The following RUNX3 variants were observed in gnomAD, a reference collection of about 807,000 sequenced individuals.
The protein encoded by RUNX3 is RUNX family transcription factor 3, also known as runt-related transcription factor 3.
A neutral mutation model predicts 27.7 loss-of-function variants in RUNX3; 10 were observed. That is an observed-to-expected ratio of 0.36 (90% CI 0.22 to 0.61). RUNX3 has a LOEUF of 0.61. Among genes scored for constraint, RUNX3 ranks in the 20% least tolerant of loss-of-function variants. RUNX3 has a pLI of 0.72. For missense variants in RUNX3, 469 were observed against 629.5 expected, an observed-to-expected ratio of 0.75 and a Z score of 2.73; for synonymous variants, 270 against 269.2, an observed-to-expected ratio of 1.00 and a Z score of -0.03.
intron 2 of RUNX3, among the ~76,000 whole-genome samples, chr1:24,955,171 G>A (rs1641884763): frequency 6.6e-6 from 1 of 152,112 alleles, no homozygotes; most frequent in South Asian, 2.1e-4. Flanking sequence ...ACCCTTTCTA[G>A]AAAGACTTCA....
At chr1:24,940,803 C>A (rs1641458315) in intron 2 of RUNX3, among the ~76,000 whole-genome samples, 3 of 151,412 alleles carry the variant, frequency 2.0e-5, no homozygotes, top group Admixed American at 2.0e-4. Context: ...GAGAGGGATG[C>A]AGTCAGGGAA....
chr1:24,951,838 G>A (rs1459501823), intron 2 of RUNX3, among the ~76,000 whole-genome samples: 2 of 152,182 alleles, frequency 1.3e-5, no homozygotes, highest in Non-Finnish European at 2.9e-5. Context: ...CCTCATAAGA[G>A]CTTTTGTCTT....
At chr1:24,950,959 GCAC>G (rs1641745669) in intron 2 of RUNX3, among the ~76,000 whole-genome samples, 1 of 152,136 alleles carries the variant, frequency 6.6e-6, no homozygotes, top group Non-Finnish European at 1.5e-5. Flanking sequence ...TGTAATCCTA[GCAC>G]CTTGGGAGGC....
At chr1:24,939,496 G>A (rs933354581) in intron 2 of RUNX3, among the ~76,000 whole-genome samples, 9 of 152,256 alleles carry the variant, frequency 5.9e-5, no homozygotes, top group Non-Finnish European at 1.3e-4. Flanking sequence ...CACACACATG[G>A]GCAGAAACCC....
At chr1:24,963,281 C>A (rs75401154) in intron 2 of RUNX3, among the ~76,000 whole-genome samples, 7,396 of 152,306 alleles carry the variant, frequency 0.049, 595 homozygotes, top group African/African-American at 0.17. Context: ...TGGGTCCCTG[C>A]CCCGAGCCGG....
chr1:24,957,779 A>G (rs1425412569), intron 2 of RUNX3, among the ~76,000 whole-genome samples: 1 of 152,232 alleles, frequency 6.6e-6, no homozygotes, highest in Non-Finnish European at 1.5e-5. Flanking sequence ...AGGGGGTGCT[A>G]TTCATTTTCT....
intron 1 of RUNX3, chr1:24,964,805 A>G: frequency 1.8e-6 from 2 of 1,117,138 alleles, no homozygotes; most frequent in Non-Finnish European, 2.4e-6. Flanking sequence ...AGAGAAAAAA[A>G]TCCCCAAGGA....
At chr1:24,907,622 C>G (rs1190049833) in intron 3 of RUNX3, among the ~76,000 whole-genome samples, 1 of 152,214 alleles carries the variant, frequency 6.6e-6, no homozygotes, top group Non-Finnish European at 1.5e-5. Context: ...CCCCACATAT[C>G]TAAACCTCTA....
chr1:24,931,177 G>T (rs1165214637), upstream of RUNX3, among the ~76,000 whole-genome samples: 2 of 152,260 alleles, frequency 1.3e-5, no homozygotes, highest in Non-Finnish European at 2.9e-5. Flanking sequence ...CAAAGCTAAG[G>T]GCCCTCGCTT....
Position 24,904,462 on chromosome 1 carries a change from G to T in RUNX3, c.704-1796C>A, listed in dbSNP as rs1011202648. ...GGACATCTGGGATGTTCCCTAGTAG[G>T]TCACTTGGCTGTCCCGGCCCCTTGA... On this transcript the variant is annotated intron_variant, in intron 4 of 4. Transcript: ENST00000308873. The surrounding 1 kb of genome is among the most constrained non-coding windows in gnomAD (Gnocchi z 5.7). Among the ~76,000 whole-genome samples, 2 of 152,208 alleles carry T rather than the reference G, an allele frequency of 1.3e-5. No individual in the cohort carries two copies. Among genetic ancestry groups the T allele is most frequent in the Admixed American group, 1.3e-4 (2 of 15,286 alleles).
chr1:24,907,242 C>T lies in RUNX3; in HGVS notation c.703+17G>A. 1 of 1,604,342 alleles carries T rather than the reference C, an allele frequency of 6.2e-7. No individual in the cohort carries two copies. Among genetic ancestry groups the T allele is most frequent in the Non-Finnish European group, 8.5e-7 (1 of 1,179,100 alleles). The stretch of plus-strand genomic sequence containing the variant: ...CCCCCACCTCACCCCGCTGCAGCCC[C>T]TCCCTCCGTGCCGTACCTTGGATTG... On this transcript the variant is annotated intron_variant, in intron 4 of 4. Coordinates refer to ENST00000308873, the MANE Select transcript of RUNX3 (RefSeq NM_004350.3).
intron 3 of RUNX3, among the ~76,000 whole-genome samples, chr1:24,913,849 CT>C (rs1640838940): frequency 6.6e-6 from 1 of 152,156 alleles, no homozygotes; most frequent in African/African-American, 2.4e-5. Flanking sequence ...GGGTTACCCC[CT>C]TGCCTCCATG....
chr1:24,956,502 G>T (rs4288539), intron 2 of RUNX3, among the ~76,000 whole-genome samples: 2 of 152,020 alleles, frequency 1.3e-5, no homozygotes, highest in South Asian at 4.1e-4. Flanking sequence ...TAGCTGCTCT[G>T]TAGGAGATGT....
At chr1:24,944,722 C>T (rs1641561538) in intron 2 of RUNX3, among the ~76,000 whole-genome samples, 1 of 152,054 alleles carries the variant, frequency 6.6e-6, no homozygotes, top group Non-Finnish European at 1.5e-5. Flanking sequence ...AAGCTGTGGG[C>T]TTTGAAGGTG....
chr1:24,956,140 GGAA>G (rs1358888452), intron 2 of RUNX3, among the ~76,000 whole-genome samples: 1 of 152,220 alleles, frequency 6.6e-6, no homozygotes, highest in African/African-American at 2.4e-5. Context: ...CAGTGATTTG[GGAA>G]GAAGAACAGA....
At chr1:24,931,958 C>A (rs1326460569), upstream of RUNX3, among the ~76,000 whole-genome samples, 1 of 152,244 alleles carries the variant, frequency 6.6e-6, no homozygotes. Context: ...TAGAGGAAAG[C>A]GAGTGATCCA....
chr1:24,956,278 T>C (rs1000081063), intron 2 of RUNX3, among the ~76,000 whole-genome samples: 2 of 152,240 alleles, frequency 1.3e-5, no homozygotes, highest in Non-Finnish European at 2.9e-5. Context: ...CCTCTTTCTT[T>C]CTCTGAAAAC....
intron 3 of RUNX3, among the ~76,000 whole-genome samples, chr1:24,917,319 G>C (rs1369450140): frequency 6.6e-6 from 1 of 152,182 alleles, no homozygotes; most frequent in African/African-American, 2.4e-5. Flanking sequence ...CTTGATACCT[G>C]CACCTCTATT....
intron 2 of RUNX3, among the ~76,000 whole-genome samples, chr1:24,959,467 C>T (rs560500104): frequency 5.9e-5 from 9 of 152,276 alleles, no homozygotes; most frequent in South Asian, 2.1e-4. Context: ...ATAGTGGGCA[C>T]GGAAGGGCTG....
Sources: allele counts gnomAD v4.1 joint callset (sites outside exome capture counted in the v4.1 genomes callset), GRCh38; gene constraint gnomAD v4.1.1; non-coding constraint Gnocchi (gnomAD v3.1); transcripts MANE v1.5; gene names NCBI Gene and HGNC (gene_info 2026-07-23, HGNC 2026-07-21).